The following PDE4D variants were observed in gnomAD, a reference collection of about 807,000 sequenced individuals.
PDE4D encodes phosphodiesterase 4D, also known as 3',5'-cyclic-AMP phosphodiesterase 4D.
A neutral mutation model predicts 87.4 loss-of-function variants in PDE4D; 24 were observed. That is an observed-to-expected ratio of 0.27 (90% confidence interval 0.20 to 0.39). PDE4D has a LOEUF of 0.39. PDE4D is among the 10% of genes least tolerant of loss of function. The pLI, the probability that PDE4D is intolerant of heterozygous loss-of-function variation, is 1.00. For synonymous variants in PDE4D, 384 were observed against 383.2 expected, an observed-to-expected ratio of 1.00 and a Z score of -0.02; for missense variants, 714 against 1,041.0, an observed-to-expected ratio of 0.69 and a Z score of 4.32.
rs993352140 is a variant in PDE4D at position 59,768,677 on chromosome 5, A to T, written c.455+124491T>A. 1.4e-5 allele frequency: 20 copies of T among 1,470,954 alleles called. No homozygotes were observed. In the African/African-American group the frequency reaches 2.8e-4, roughly 21 times the overall value. 91.1% of individuals were successfully genotyped at this position (1,470,954 alleles called of 1,614,324 possible). On this transcript the variant is annotated intron_variant, in intron 1 of 14. Transcript: ENST00000340635. The stretch of plus-strand genomic sequence containing the variant: ...CCTGGGGCTGGGTGCAGAGGAGGCG[A>T]GCGCACTCCTCCGCGGAAGCGTATT...
At chr5:59,496,382 C>T (rs1807194648) in intron 1 of PDE4D, among the ~76,000 whole-genome samples, 1 of 152,130 alleles carries the variant, frequency 6.6e-6, no homozygotes, top group South Asian at 2.1e-4. Flanking sequence ...AACATTTGGG[C>T]CCAAAGGCTG....
At chr5:60,498,168 A>G (rs1376524095) in intron 1 of PDE4D, among the ~76,000 whole-genome samples, 3 of 99,352 alleles carry the variant, frequency 3.0e-5, no homozygotes, top group Non-Finnish European at 5.8e-5. Flanking sequence ...ACACACATGC[A>G]CACACACACA....
intron 5 of PDE4D, among the ~76,000 whole-genome samples, chr5:59,049,030 C>T (rs1215424559): frequency 6.6e-6 from 1 of 152,134 alleles, no homozygotes; most frequent in African/African-American, 2.4e-5. Flanking sequence ...ATTAATGTCA[C>T]ACTTCTGTTC....
At chr5:60,109,315 C>T (rs1282619623) in intron 2 of PDE4D, among the ~76,000 whole-genome samples, 1 of 152,118 alleles carries the variant, frequency 6.6e-6, no homozygotes, top group East Asian at 1.9e-4. Context: ...AATGAGATAC[C>T]ATCTCACACC....
At chr5:60,446,539 C>A (rs1214247052) in intron 1 of PDE4D, among the ~76,000 whole-genome samples, 1 of 152,248 alleles carries the variant, frequency 6.6e-6, no homozygotes, top group Admixed American at 6.5e-5. Flanking sequence ...CCACCCCATA[C>A]TACCTACCAT....
intron 2 of PDE4D, among the ~76,000 whole-genome samples, chr5:60,051,033 A>G (rs1770082245): frequency 1.3e-5 from 2 of 152,242 alleles, no homozygotes; most frequent in Admixed American, 1.3e-4. Context: ...ACTCAGATTC[A>G]TAAAGCAAGT....
intron 1 of PDE4D, among the ~76,000 whole-genome samples, chr5:60,319,957 C>T (rs897233145): frequency 5.3e-5 from 8 of 152,198 alleles, no homozygotes; most frequent in South Asian, 2.1e-4. Flanking sequence ...GCAGTCTGTC[C>T]GTTCTCAGAT....
intron 1 of PDE4D, among the ~76,000 whole-genome samples, chr5:59,661,057 G>A (rs1745166622): frequency 7.8e-6 from 1 of 127,516 alleles, no homozygotes; most frequent in South Asian, 2.5e-4. Flanking sequence ...TGCCAGCACT[G>A]CATTTTCATG....
At chr5:59,039,274 A>G in intron 5 of PDE4D, 1 of 1,148,150 alleles carries the variant, frequency 8.7e-7, no homozygotes, top group Non-Finnish European at 1.1e-6. Flanking sequence ...AAAAACCACT[A>G]TGCGACTTTT....
intron 2 of PDE4D, among the ~76,000 whole-genome samples, chr5:60,159,256 C>T (rs990258449): frequency 6.6e-6 from 1 of 152,100 alleles, no homozygotes; most frequent in African/African-American, 2.4e-5. Flanking sequence ...GATAGCAATG[C>T]CTTCTTCTGG....
chr5:60,433,692 C>A (rs190137993), intron 1 of PDE4D, among the ~76,000 whole-genome samples: 9 of 152,270 alleles, frequency 5.9e-5, no homozygotes, highest in African/African-American at 7.2e-5. Context: ...CAACATTAGA[C>A]TGAATAAAGA....
intron 5 of PDE4D, among the ~76,000 whole-genome samples, chr5:59,135,150 T>C (rs1776854775): frequency 6.6e-6 from 1 of 152,178 alleles, no homozygotes; most frequent in African/African-American, 2.4e-5. Flanking sequence ...ATGCACTTAT[T>C]TGGAAGGATG....
chr5:59,555,922 T>G (rs1051829566), intron 1 of PDE4D, among the ~76,000 whole-genome samples: 1 of 152,254 alleles, frequency 6.6e-6, no homozygotes, highest in South Asian at 2.1e-4. Flanking sequence ...AATATGACCA[T>G]CTGTGCTCCC....
chr5:59,955,442 G>T (rs1216021336), intron 3 of PDE4D, among the ~76,000 whole-genome samples: 2 of 152,044 alleles, frequency 1.3e-5, no homozygotes, highest in Non-Finnish European at 2.9e-5. Context: ...GGAACATGCT[G>T]CCCCATCCAA....
chr5:59,366,995 A>G (rs1409179633), intron 1 of PDE4D, among the ~76,000 whole-genome samples: 1 of 152,204 alleles, frequency 6.6e-6, no homozygotes, highest in Non-Finnish European at 1.5e-5. Context: ...GTACGCTTAC[A>G]AAGGCATCCT....
chr5:59,449,313 T>C (rs1416682250), intron 1 of PDE4D, among the ~76,000 whole-genome samples: 1 of 152,206 alleles, frequency 6.6e-6, no homozygotes, highest in Non-Finnish European at 1.5e-5. Flanking sequence ...TCTAGGTTCA[T>C]TACCAAGAAA....
chr5:59,595,951 A>G (rs1330808176), intron 1 of PDE4D, among the ~76,000 whole-genome samples: 1 of 151,982 alleles, frequency 6.6e-6, no homozygotes, highest in African/African-American at 2.4e-5. Context: ...TATATTGTCA[A>G]TCTAATTTAA....
At chr5:60,277,106 A>G (rs1445584329) in intron 1 of PDE4D, among the ~76,000 whole-genome samples, 1 of 151,930 alleles carries the variant, frequency 6.6e-6, no homozygotes, top group Non-Finnish European at 1.5e-5. Context: ...AGGTATATAA[A>G]ACAATATTTT....
chr5:60,019,453 T>C (rs1211006336), intron 2 of PDE4D, among the ~76,000 whole-genome samples: 3 of 152,228 alleles, frequency 2.0e-5, no homozygotes, highest in African/African-American at 4.8e-5. Context: ...TCTCTTCCAA[T>C]GTAAGGCTGT....
Sources: gnomAD v4.1 joint callset for allele counts (sites outside exome capture counted in the v4.1 genomes callset) on GRCh38, gnomAD v4.1.1 for gene constraint, MANE v1.5 for transcripts, NCBI Gene and HGNC (gene_info 2026-07-23, HGNC 2026-07-21) for gene names.